The following GOLGA4 variants were observed in gnomAD, a reference collection of about 807,000 sequenced individuals.
The protein encoded by GOLGA4 is golgin subfamily A member 4.
In GOLGA4, 169 loss-of-function variants were observed where a neutral mutation model predicts 265.9. The ratio of observed to expected loss-of-function variants is 0.64; its 90% CI spans 0.56 to 0.72. GOLGA4 has a LOEUF of 0.72. Among genes scored for constraint, GOLGA4 ranks in the 30% least tolerant of loss-of-function variants. The probability of loss-of-function intolerance (pLI) is 0.00; values close to 1 mark genes in which losing one functional copy is unlikely to be tolerated. For missense variants in GOLGA4, 2,482 were observed against 2,483.4 expected (o/e 1.00, Z 0.01); for synonymous variants, 923 against 855.8 (o/e 1.08, Z -1.37).
At chr3:37,305,456 CTGTTCAAGT>C (rs2096903625) in intron 10 of GOLGA4, among the ~76,000 whole-genome samples, 1 of 152,118 alleles carries the variant, frequency 6.6e-6, no homozygotes, top group Non-Finnish European at 1.5e-5. Flanking sequence ...CTAAACAGAA[CTGTTCAAGT>C]AGGAAGTGAT....
chr3:37,325,085 C>T lies in GOLGA4; in HGVS notation c.3199C>T (p.Gln1067Ter). Reference protein sequence around the residue: ...ELQEIHEIQLQEKEQEVAELK... With the variant: ...ELQEIHEIQL Reference sequence around the variant, plus strand: ...TCAGGAAATACATGAAATCCAATTACAGGAAAAAGAACAAGAGGTAGCAGA... The same window carrying T: ...TCAGGAAATACATGAAATCCAATTATAGGAAAAAGAACAAGAGGTAGCAGA... Residue 1067 changes from glutamine to a stop codon, truncating the protein, a stop_gained, in exon 14 of 24, where the codon CAG (glutamine) becomes TAG (stop). Transcript: ENST00000361924. LOFTEE classifies it high-confidence loss of function. 1 of 1,612,230 alleles carries T rather than the reference C, an allele frequency of 6.2e-7. No individual in the cohort carries two copies. Among genetic ancestry groups the T allele is most frequent in the Middle Eastern group, 1.7e-4 (1 of 6,058 alleles).
intron 1 of GOLGA4, among the ~76,000 whole-genome samples, chr3:37,245,908 G>T (rs2096718224): frequency 6.6e-6 from 1 of 152,008 alleles, no homozygotes; most frequent in South Asian, 2.1e-4. Flanking sequence ...CTTTCTTTCT[G>T]CCTGCCATAT....
At position 37,319,201 on chromosome 3, in the gene GOLGA4, G is replaced by A. The variant is rs770552796; in HGVS notation, c.1545+7G>A. 8.2e-6 allele frequency: 13 copies of A among 1,592,314 alleles called. No individual in the cohort carries two copies. Among genetic ancestry groups the A allele is most frequent in the African/African-American group, 1.4e-5 (1 of 73,348 alleles). ...ACAAATGAAAGTAGCTCTTGTAAGT[G>A]ACTATTTTTTTTTTTCTGCTATAGG... On this transcript the variant is annotated splice_region_variant and intron_variant, in intron 12 of 23. Transcript: ENST00000361924.
intron 2 of GOLGA4, among the ~76,000 whole-genome samples, chr3:37,261,297 A>G (rs1362526567): frequency 6.6e-6 from 1 of 151,714 alleles, no homozygotes; most frequent in Non-Finnish European, 1.5e-5. Flanking sequence ...CTGTGATTTG[A>G]CCCTTGAGGC....
In GOLGA4 at chr3:37,275,303, G is replaced by A. The variant is rs77518311; in HGVS notation, c.163-6655G>A. ...AGCTTCCCAAACTCTGTGGACAGGTGTCTTGTGAGCTTAGATCCTCATAAC... is the reference window on the plus strand; with the variant it reads ...AGCTTCCCAAACTCTGTGGACAGGTATCTTGTGAGCTTAGATCCTCATAAC... On this transcript the variant is annotated intron_variant, in intron 2 of 23. Transcript: ENST00000361924. 9.1e-3 allele frequency among the ~76,000 whole-genome samples: 1,375 copies of A among 150,576 alleles called. 29 individuals are homozygous for A. Among genetic ancestry groups the A allele is most frequent in the African/African-American group, 0.032 (1,303 of 41,058 alleles).
chr3:37,283,630 A>G (rs2096840589), intron 3 of GOLGA4, among the ~76,000 whole-genome samples: 1 of 152,070 alleles, frequency 6.6e-6, no homozygotes, highest in South Asian at 2.1e-4. Flanking sequence ...GCGATCCTTC[A>G]GCCTCAGCCC....
chr3:37,272,538 GA>G (rs1439526469), intron 2 of GOLGA4, among the ~76,000 whole-genome samples: 1 of 151,684 alleles, frequency 6.6e-6, no homozygotes, highest in Non-Finnish European at 1.5e-5. Context: ...CCCTGTCTCA[GA>G]AAAAAAGGAT....
At chr3:37,300,701 TTAATA>T (rs1458275808) in intron 9 of GOLGA4, among the ~76,000 whole-genome samples, 1 of 152,142 alleles carries the variant, frequency 6.6e-6, no homozygotes, top group East Asian at 1.9e-4. Context: ...CAAAAGTATT[TTAATA>T]TATCTTTAAA....
intron 2 of GOLGA4, among the ~76,000 whole-genome samples, chr3:37,265,198 C>G (rs924679150): frequency 1.3e-5 from 2 of 150,586 alleles, no homozygotes; most frequent in African/African-American, 4.9e-5. Flanking sequence ...CCTCCCTCAT[C>G]AAAAAATTCA....
chr3:37,364,592 CTTT>C (rs554906288), intron 23 of GOLGA4, among the ~76,000 whole-genome samples: 25 of 128,306 alleles, frequency 1.9e-4, no homozygotes, highest in Non-Finnish European at 2.2e-4. Context: ...TATGTCATAG[CTTT>C]TTTTTTTTTT....
chr3:37,319,397 A>G (rs2096948270), intron 12 of GOLGA4: 6 of 343,430 alleles, frequency 1.7e-5, no homozygotes, highest in East Asian at 5.1e-5. Context: ...GATCTAACAC[A>G]CTTTCTTTTT....
Position 37,326,980 on chromosome 3 carries a change from G to A in GOLGA4, c.5094G>A (p.Val1698=), listed in dbSNP as rs1232344666. Residue 1698 remains valine (V), a synonymous_variant, in exon 14 of 24, where the codon GTG becomes GTA. Coordinates refer to ENST00000361924, the MANE Select transcript of GOLGA4 (RefSeq NM_002078.5). ...TCTTGGAAGAAAAACTTAAGTCAGT[G>A]GAAAGTTCACAGTCAGAAACATTAA... ...VHILEEKLKS[V]ESSQSETLIV... is the part of the protein sequence containing the mutation. The A allele has an allele frequency of 6.2e-7, 1 of 1,613,750 alleles. No individual in the cohort carries two copies. The highest frequency in any genetic ancestry group is 2.2e-5 in the East Asian group (1 of 44,876).
intron 16 of GOLGA4, among the ~76,000 whole-genome samples, chr3:37,331,339 C>G (rs987994497): frequency 2.6e-5 from 4 of 152,200 alleles, no homozygotes; most frequent in Admixed American, 1.3e-4. Flanking sequence ...AATAGTGTAG[C>G]CTTAGACTTT....
In GOLGA4 at chr3:37,327,496, T is replaced by G. The variant is rs1277341387; in HGVS notation, c.5610T>G (p.His1870Gln). Residue 1870 changes from histidine to glutamine, a missense_variant, in exon 14 of 24, where the codon CAT (histidine) becomes CAG (glutamine). Physicochemically the swap from His to Gln is conservative, Grantham distance 24 (BLOSUM62 0). This residue lies in a region of GOLGA4 where 942 missense variants were observed against 983.1 expected (regional missense o/e 0.96). Coordinates refer to ENST00000361924, the MANE Select transcript of GOLGA4 (RefSeq NM_002078.5). ...DSCLVRQKEV[H>Q]RVEMEELTSK... Reference sequence around the variant, plus strand: ...GCTTAGTAAGACAGAAAGAAGTACATAGAGTTGAAATGGAAGAGTTGACCT... The same window carrying G: ...GCTTAGTAAGACAGAAAGAAGTACAGAGAGTTGAAATGGAAGAGTTGACCT... The G allele has an allele frequency of 6.2e-7, 1 of 1,613,132 alleles. No individual in the cohort carries two copies. Among genetic ancestry groups the G allele is most frequent in the Non-Finnish European group, 8.5e-7 (1 of 1,179,286 alleles).
At chr3:37,264,003 A>G (rs2096777103) in intron 2 of GOLGA4, among the ~76,000 whole-genome samples, 2 of 152,340 alleles carry the variant, frequency 1.3e-5, no homozygotes, top group Admixed American at 1.3e-4. Context: ...AAGGTCAACA[A>G]AGATTTCTTA....
At chr3:37,341,047 G>T (rs1168452727) in intron 20 of GOLGA4, among the ~76,000 whole-genome samples, 2 of 151,946 alleles carry the variant, frequency 1.3e-5, no homozygotes, top group Admixed American at 1.3e-4. Flanking sequence ...TGCGCCTGTA[G>T]TCCCAGCTAC....
At chr3:37,258,026 TATATATGTATATATACATAC>T (rs2096757176) in intron 2 of GOLGA4, among the ~76,000 whole-genome samples, 1 of 79,940 alleles carries the variant, frequency 1.3e-5, no homozygotes, top group Admixed American at 1.4e-4. Context: ...TATATGTATG[TATATATGTATATATACATAC>T]ATATATATAT....
chr3:37,254,943 T>C (rs575396994), intron 2 of GOLGA4, among the ~76,000 whole-genome samples: 1 of 148,960 alleles, frequency 6.7e-6, no homozygotes, highest in Non-Finnish European at 1.5e-5. Flanking sequence ...AATTAACTTA[T>C]ACCCTATTAT....
At chr3:37,281,497 C>T (rs2150766932) in intron 2 of GOLGA4, among the ~76,000 whole-genome samples, 1 of 152,266 alleles carries the variant, frequency 6.6e-6, no homozygotes. Flanking sequence ...CAGATAAAGC[C>T]CACTTGAGTT....
Sources: gnomAD v4.1 joint callset for allele counts (sites outside exome capture counted in the v4.1 genomes callset) on GRCh38, gnomAD v4.1.1 for gene constraint, gnomAD v4.1.1 regional missense constraint, MANE v1.5 for transcripts, NCBI Gene and HGNC (gene_info 2026-07-23, HGNC 2026-07-21) for gene names.